The following LARP6 variants were observed in gnomAD, a reference collection of about 807,000 sequenced individuals.
The protein encoded by LARP6 is la-related protein 6.
A neutral mutation model predicts 32.8 loss-of-function variants in LARP6; 18 were observed. The ratio of observed to expected loss-of-function variants is 0.55; its 90% CI spans 0.38 to 0.81. The LOEUF is 0.81. LARP6 is among the 40% of genes least tolerant of loss of function. LARP6 has a pLI of 0.00. For synonymous variants in LARP6, 289 were observed against 267.2 expected, an observed-to-expected ratio of 1.08 and a Z score of -0.80; for missense variants, 598 against 663.1, an observed-to-expected ratio of 0.90 and a Z score of 1.08.
At chr15:70,843,490 T>C (rs2032292546) in intron 1 of LARP6, among the ~76,000 whole-genome samples, 2 of 152,180 alleles carry the variant, frequency 1.3e-5, no homozygotes, top group South Asian at 4.1e-4. Flanking sequence ...CTTATAGCTC[T>C]ATTTCTCACT....
At chr15:70,852,515 G>A (rs1211181951) in intron 1 of LARP6, among the ~76,000 whole-genome samples, 1 of 152,120 alleles carries the variant, frequency 6.6e-6, no homozygotes, top group Non-Finnish European at 1.5e-5. Flanking sequence ...ACTGCCACAG[G>A]AAAATAAAGT....
rs780143803 is a variant in LARP6 at position 70,851,608 on chromosome 15, T to C, written c.200+2281A>G. 5.6e-6 allele frequency: 9 copies of C among 1,604,786 alleles called. No homozygotes were observed. The African/African-American group carries it at 8.1e-5, about 14-fold the overall frequency. On this transcript the variant is annotated intron_variant, in intron 1 of 2. Coordinates refer to ENST00000299213, the MANE Select transcript of LARP6 (RefSeq NM_018357.4). ...CAACACCATTGAGTGAGTGTGATGA[T>C]AGAGATACGCATTCAGTCAACAAAC...
In LARP6 at chr15:70,832,331, C is replaced by T. The variant is rs779548595; in HGVS notation, c.1197G>A (p.Ala399=). 97 of 1,614,146 alleles carry T rather than the reference C, an allele frequency of 6.0e-5. No individual in the cohort carries two copies. Among genetic ancestry groups the T allele is most frequent in the Admixed American group, 3.3e-5 (2 of 60,014 alleles). ...TGCTGCAGTTCAGTCTACCTTCCTC[C>T]GCCAGTGGGGACTTTCTGGAAACGC... ...RKGVSRKSPL[A]EEGRLNCSTS... The change falls in exon 3 of 3, where the codon GCG becomes GCA. Residue 399 remains alanine, a synonymous_variant. Transcript: ENST00000299213.
chr15:70,838,745 A>G (rs2032194982), intron 1 of LARP6, among the ~76,000 whole-genome samples: 1 of 152,202 alleles, frequency 6.6e-6, no homozygotes, highest in Admixed American at 6.5e-5. Flanking sequence ...GGATGCCATT[A>G]TTAGAAGTTA....
chr15:70,843,478 T>A (rs1485045231), intron 1 of LARP6, among the ~76,000 whole-genome samples: 1 of 152,290 alleles, frequency 6.6e-6, no homozygotes, highest in South Asian at 2.1e-4. Context: ...CTATAAAATA[T>A]GCTTATAGCT....
chr15:70,849,279 C>G (rs975473906), intron 1 of LARP6: 6 of 152,534 alleles, frequency 3.9e-5, no homozygotes, highest in African/African-American at 1.4e-4. Flanking sequence ...ATCGCTTGAA[C>G]CTGGGAGGTG....
rs1159766053 is a variant in LARP6 at position 70,831,241 on chromosome 15, A to G, written c.*811T>C. The G allele has an allele frequency of 6.6e-6, 1 of 152,342 alleles. No homozygotes were observed. The highest frequency in any genetic ancestry group is 6.5e-5 in the Admixed American group (1 of 15,290). 9.4% of individuals were successfully genotyped at this position (152,342 alleles called of 1,614,324 possible). ...ATACGCCAAGCTGCCTTTGCTCAGT[A>G]AAATTCCCTGTGATGAGACACCACT... On this transcript the variant is annotated 3_prime_UTR_variant, in exon 3 of 3. Coordinates refer to ENST00000299213, the MANE Select transcript of LARP6 (RefSeq NM_018357.4).
chr15:70,851,688 A>T (rs769809968), intron 1 of LARP6: 1 of 1,614,088 alleles, frequency 6.2e-7, no homozygotes, highest in African/African-American at 1.3e-5. Flanking sequence ...GAACGAAGCA[A>T]GCATGGTCCT....
Position 70,833,028 on chromosome 15 carries a change from A to T in LARP6, c.500T>A (p.Val167Glu), listed in dbSNP as rs2032084277. ...VLELNEDHRK[V>E]RRTTPVPLFP... ...CAGTGGGACGGGGGTGGTCCTCCTCACCTTCCGGTGGTCCTCATTCAACTC... is the reference window on the plus strand; with the variant it reads ...CAGTGGGACGGGGGTGGTCCTCCTCTCCTTCCGGTGGTCCTCATTCAACTC... Residue 167 changes from valine (V) to glutamate (E), a missense_variant, in exon 3 of 3, where the codon GTG becomes GAG. This residue lies in a region of LARP6 where 69 missense variants were observed against 116.7 expected (regional missense o/e 0.59). Transcript: ENST00000299213. The T allele has an allele frequency of 6.2e-7, 1 of 1,613,664 alleles. No homozygotes were observed. The highest frequency in any genetic ancestry group is 1.3e-5 in the African/African-American group (1 of 74,836).
chr15:70,841,127 A>T (rs2032249750), intron 1 of LARP6, among the ~76,000 whole-genome samples: 1 of 152,042 alleles, frequency 6.6e-6, no homozygotes, highest in Non-Finnish European at 1.5e-5. Context: ...GTTAGCCAAG[A>T]TGGTCTCGAT....
intron 1 of LARP6, chr15:70,851,553 CT>C: frequency 6.5e-7 from 1 of 1,539,086 alleles, no homozygotes; most frequent in Non-Finnish European, 8.8e-7. Context: ...AAGGATCTCA[CT>C]GTCTAGGGAA....
intron 1 of LARP6, chr15:70,851,438 G>A (rs1250518306): frequency 1.8e-5 from 23 of 1,269,220 alleles, no homozygotes; most frequent in Admixed American, 3.3e-5. Flanking sequence ...TTTAGAGGCT[G>A]TAAAGACTTT....
intron 2 of LARP6, 120 bp downstream of exon 2, chr15:70,836,175 C>T: frequency 1.3e-6 from 1 of 776,232 alleles, no homozygotes; most frequent in South Asian, 1.8e-5. Context: ...TTTTCAGGCA[C>T]AGACTTAATT....
At chr15:70,852,325 G>A (rs1481264559) in intron 1 of LARP6, 4 of 455,134 alleles carry the variant, frequency 8.8e-6, no homozygotes, top group Non-Finnish European at 1.3e-5. Flanking sequence ...CACGGGAGCT[G>A]GGCAGTTCTG....
At chr15:70,838,482 T>C (rs2141051417) in intron 1 of LARP6, among the ~76,000 whole-genome samples, 1 of 152,244 alleles carries the variant, frequency 6.6e-6, no homozygotes, top group Middle Eastern at 3.4e-3. Context: ...ACCTTATATG[T>C]TTTGCTAGGA....
chr15:70,834,898 G>A (rs574945541), intron 2 of LARP6, among the ~76,000 whole-genome samples: 47 of 152,346 alleles, frequency 3.1e-4, no homozygotes, highest in African/African-American at 1.1e-3. Context: ...AGAATGAAAA[G>A]GATCTTTGCT....
In LARP6 at chr15:70,833,086, T is replaced by C. The variant is rs771510492; in HGVS notation, c.442A>G (p.Thr148Ala). 1.2e-6 allele frequency: 2 copies of C among 1,614,036 alleles called. No homozygotes were observed. The highest frequency in any genetic ancestry group is 1.7e-6 in the Non-Finnish European group (2 of 1,180,016). Residue 148 changes from threonine to alanine, a missense_variant, in exon 3 of 3, where the codon ACA becomes GCA. By Grantham distance (58) the Thr-to-Ala change is moderately conservative (BLOSUM62 0). Around this residue, in one of 3 missense-constraint regions of LARP6, gnomAD observed 69 missense variants for 116.7 expected, o/e 0.59. Coordinates refer to ENST00000299213, the MANE Select transcript of LARP6 (RefSeq NM_018357.4). The part of the protein sequence containing the change: ...VKHLTRDWRT[T>A]AHALKYSVVL... ...ACTGAATACTTCAAAGCATGTGCTG[T>C]GGTTCTCCAGTCCCGTGTAAGATGT...
At chr15:70,853,777 C>T (rs1283970651) in intron 1 of LARP6, 112 bp downstream of exon 1, 1 of 801,052 alleles carries the variant, frequency 1.2e-6, no homozygotes, top group East Asian at 3.9e-5. Context: ...GGCGGCGGGG[C>T]TGACTCAACC....
intron 1 of LARP6, among the ~76,000 whole-genome samples, chr15:70,837,634 G>A (rs568014711): frequency 7.2e-5 from 11 of 152,086 alleles, no homozygotes; most frequent in Non-Finnish European, 7.3e-5. Context: ...GCAGTGGTGC[G>A]ATCTCCATGT....
Sources: allele counts gnomAD v4.1 joint callset (sites outside exome capture counted in the v4.1 genomes callset), GRCh38; gene constraint gnomAD v4.1.1; regional missense constraint gnomAD v4.1.1; transcripts MANE v1.5; gene names NCBI Gene and HGNC (gene_info 2026-07-23, HGNC 2026-07-21).